COL11A1: variants seen among roughly 807,000 people sequenced by gnomAD.
COL11A1 encodes the protein collagen type XI alpha 1 chain.
Under a neutral mutation model 265.2 loss-of-function variants are expected in COL11A1, and 74 were observed. The observed-to-expected ratio is 0.28, with a 90% CI of 0.23 to 0.34. COL11A1 has a LOEUF of 0.34. Among genes scored for constraint, COL11A1 ranks in the 10% least tolerant of loss-of-function variants. The pLI is 1.00. For synonymous variants in COL11A1, 816 were observed against 727.6 expected (o/e 1.12, Z -1.96); for missense variants, 2,165 against 2,263.6 (o/e 0.96, Z 0.88).
intron 54 of COL11A1, among the ~76,000 whole-genome samples, chr1:102,903,974 C>T (rs1267318482): frequency 6.6e-6 from 1 of 152,058 alleles, no homozygotes; most frequent in Middle Eastern, 3.2e-3. Flanking sequence ...GCTATTCTCC[C>T]ACCTCAGCCT....
chr1:103,097,881 T>G (rs1249413529), intron 1 of COL11A1, among the ~76,000 whole-genome samples: 2 of 151,978 alleles, frequency 1.3e-5, no homozygotes, highest in East Asian at 3.8e-4. Flanking sequence ...TAGAAGATAG[T>G]CATTTAACTT....
At chr1:103,028,283 T>C (rs1667715635) in intron 5 of COL11A1, among the ~76,000 whole-genome samples, 1 of 152,010 alleles carries the variant, frequency 6.6e-6, no homozygotes, top group Non-Finnish European at 1.5e-5. Context: ...ATCCGCCCGC[T>C]TCGGCCTCCC....
chr1:103,007,398 A>G (rs1412771545), intron 15 of COL11A1, among the ~76,000 whole-genome samples: 1 of 152,220 alleles, frequency 6.6e-6, no homozygotes, highest in Non-Finnish European at 1.5e-5. Flanking sequence ...GTTTCACTAT[A>G]AATATTACAT....
intron 57 of COL11A1, among the ~76,000 whole-genome samples, chr1:102,891,398 T>C (rs1239330563): frequency 6.6e-6 from 1 of 151,976 alleles, no homozygotes; most frequent in Non-Finnish European, 1.5e-5. Context: ...TTATTTTTTA[T>C]ATAAATATAC....
chr1:103,078,961 A>C lies in COL11A1; in HGVS notation c.275-90T>G, dbSNP rs916967035. On this transcript the variant is annotated intron_variant, in intron 2 of 66. Coordinates refer to ENST00000370096, the MANE Select transcript of COL11A1 (RefSeq NM_001854.4). ...ACTGTGGTATTTTTGAAATTTCTAC[A>C]TGGCCTTTATAAATCAACTAACTTT... The C allele has an allele frequency of 1.4e-5, 12 of 869,790 alleles. No individual in the cohort carries two copies. In the Middle Eastern group the frequency reaches 1.0e-3, roughly 73 times the overall value. 53.9% of individuals were successfully genotyped at this position (869,790 alleles called of 1,614,324 possible). A position where few individuals can be genotyped will look rare whatever the true frequency, so the allele number is the denominator to read the frequency against.
intron 1 of COL11A1, among the ~76,000 whole-genome samples, chr1:103,084,001 G>C (rs1475867656): frequency 6.6e-6 from 1 of 151,972 alleles, no homozygotes; most frequent in Non-Finnish European, 1.5e-5. Context: ...AGCTTTATCG[G>C]GTTATAATTC....
chr1:103,017,885 A>G lies in COL11A1; in HGVS notation c.1351-3T>C. ...AGACCTGGAGGACCCATAATACCCT[A>G]TAGAGAAACACACCATATCTTAATC... On this transcript the variant is annotated splice_polypyrimidine_tract_variant and splice_region_variant and intron_variant, in intron 10 of 66. Transcript: ENST00000370096. 1 of 1,610,346 alleles carries G rather than the reference A, an allele frequency of 6.2e-7. No individual in the cohort carries two copies. Among genetic ancestry groups the G allele is most frequent in the Non-Finnish European group, 8.5e-7 (1 of 1,176,680 alleles).
Position 102,997,113 on chromosome 1 carries a change from C to A in COL11A1, c.2208G>T (p.Gly736=), listed in dbSNP as rs377392670. 9.3e-6 allele frequency: 15 copies of A among 1,611,510 alleles called. No individual in the cohort carries two copies. The highest frequency in any genetic ancestry group is 1.2e-5 in the Non-Finnish European group (14 of 1,178,234). Residue 736 remains glycine, a synonymous_variant, in exon 26 of 67, where the codon GGG becomes GGT. Coordinates refer to ENST00000370096, the MANE Select transcript of COL11A1 (RefSeq NM_001854.4). ...CCTTTTCTCCAGACTGGCCTTCTTT[C>A]CCAGGATGACCCTATATTTAGCAAA... ...PGADGPPGHP[G]KEGQSGEKGA...
Position 102,946,928 on chromosome 1 carries a change from C to T in COL11A1, c.3197G>A (p.Gly1066Asp). ...TGGTAAACCAATTGGGCCAGCTGTA[C>T]CTGCTGACCCACGTTCTCCTGGTGA... is the stretch of plus-strand genomic sequence containing the variant. Reference protein sequence around the residue: ...VGSPGERGSAGTAGPIGLPGR... With the variant: ...VGSPGERGSADTAGPIGLPGR... The change falls in exon 42 of 67, where the codon GGT becomes GAT. Residue 1066 changes from glycine (G) to aspartate (D), a missense_variant. Physicochemically the swap from Gly to Asp is moderately conservative, Grantham distance 94. Transcript: ENST00000370096. The T allele has an allele frequency of 6.2e-7, 1 of 1,613,000 alleles. No individual in the cohort carries two copies. The highest frequency in any genetic ancestry group is 8.5e-7 in the Non-Finnish European group (1 of 1,179,586).
intron 44 of COL11A1, among the ~76,000 whole-genome samples, chr1:102,936,820 T>G (rs1658195110): frequency 6.6e-6 from 1 of 152,162 alleles, no homozygotes; most frequent in Admixed American, 6.5e-5. Flanking sequence ...CAATTGACCC[T>G]TAAGAAAAAC....
At chr1:103,094,284 A>G (rs956893859) in intron 1 of COL11A1, among the ~76,000 whole-genome samples, 1 of 152,156 alleles carries the variant, frequency 6.6e-6, no homozygotes, top group Non-Finnish European at 1.5e-5. Flanking sequence ...GGAAGAAGAA[A>G]TAGAAGAGGC....
At position 103,093,029 on chromosome 1, in the gene COL11A1, C is replaced by T. The variant is rs150741089; in HGVS notation, c.107-10057G>A. 1.8e-3 allele frequency among the ~76,000 whole-genome samples: 277 copies of T among 152,058 alleles called. 2 individuals are homozygous for T. Among genetic ancestry groups the T allele is most frequent in the African/African-American group, 6.3e-3 (263 of 41,494 alleles). On this transcript the variant is annotated intron_variant, in intron 1 of 66. Transcript: ENST00000370096. Reference sequence around the variant, plus strand: ...AAGAAAAGAAAGGAAATCCATGAATCCATCACTGCATCTATGCCAGTAAGT... The same window carrying T: ...AAGAAAAGAAAGGAAATCCATGAATTCATCACTGCATCTATGCCAGTAAGT...
Position 102,967,407 on chromosome 1 carries a change from A to AT in COL11A1, c.2863-1868dup, listed in dbSNP as rs573622129. 3.0e-4 allele frequency among the ~76,000 whole-genome samples: 46 copies of AT among 151,646 alleles called. 1 individual carries two copies. In the South Asian group the frequency reaches 9.4e-3, roughly 31 times the overall value. On this transcript the variant is annotated intron_variant, in intron 37 of 66. Transcript: ENST00000370096. ...AGGCACCCGCCACCAAGCCCGGCTA[A>AT]TTTTTTGTAGTTTTAGTAGAGACGG...
At chr1:103,080,702 G>C (rs1382223006) in intron 2 of COL11A1, among the ~76,000 whole-genome samples, 2 of 151,848 alleles carry the variant, frequency 1.3e-5, no homozygotes, top group East Asian at 1.9e-4. Flanking sequence ...AAAAGGAACT[G>C]TTTCATACTA....
At chr1:103,105,494 T>A (rs1376820109) in intron 1 of COL11A1, among the ~76,000 whole-genome samples, 1 of 152,140 alleles carries the variant, frequency 6.6e-6, no homozygotes, top group Non-Finnish European at 1.5e-5. Flanking sequence ...GAAATTTCTC[T>A]ATATTATTTT....
chr1:102,876,710 T>C lies in COL11A1; in HGVS notation c.*1309A>G, dbSNP rs534581301. ...AACATTTATTTTCAAGTCTTACATA[T>C]ATTACTTAAAATAGATACAAAATTC... On this transcript the variant is annotated 3_prime_UTR_variant, in exon 67 of 67. Transcript: ENST00000370096. 2 of 152,604 alleles carry C rather than the reference T, an allele frequency of 1.3e-5. No individual in the cohort carries two copies. The highest frequency in any genetic ancestry group is 4.8e-5 in the African/African-American group (2 of 41,576). 9.5% of individuals were successfully genotyped at this position (152,604 alleles called of 1,614,324 possible).
At chr1:103,035,487 G>T (rs1668295655) in intron 4 of COL11A1, among the ~76,000 whole-genome samples, 1 of 151,924 alleles carries the variant, frequency 6.6e-6, no homozygotes. Context: ...AAATTTTGTG[G>T]ACTTCAGAAA....
At chr1:103,074,488 G>A in intron 4 of COL11A1, 130 bp downstream of exon 4, 2 of 969,970 alleles carry the variant, frequency 2.1e-6, no homozygotes, top group Non-Finnish European at 3.1e-6. Flanking sequence ...CACAGAGGAA[G>A]AAACTAGGTC....
intron 26 of COL11A1, 146 bp downstream of exon 26, chr1:102,996,934 T>C (rs1664686186): frequency 1.7e-5 from 12 of 705,690 alleles, no homozygotes; most frequent in East Asian, 2.6e-5. Flanking sequence ...AAATTACTGA[T>C]ATAAAATTAA....
Sources: allele counts gnomAD v4.1 joint callset (sites outside exome capture counted in the v4.1 genomes callset), GRCh38; gene constraint gnomAD v4.1.1; transcripts MANE v1.5; gene names NCBI Gene and HGNC (gene_info 2026-07-23, HGNC 2026-07-21).